Variants in ANKRD52 observed in about 807,000 individuals in gnomAD.
The protein encoded by ANKRD52 is ankyrin repeat domain 52.
Under a neutral mutation model 116.0 loss-of-function variants are expected in ANKRD52, and 7 were observed. The observed-to-expected ratio is 0.06, with a 90% confidence interval of 0.03 to 0.11. ANKRD52 has a LOEUF of 0.11. Ranked by LOEUF, ANKRD52 falls within the 10% of genes least tolerant of loss-of-function variation. The pLI, the probability that ANKRD52 is intolerant of heterozygous loss-of-function variation, is 1.00. For synonymous variants in ANKRD52, 528 were observed against 578.1 expected (o/e 0.91, Z 1.24); for missense variants, 839 against 1,408.6 (o/e 0.60, Z 6.47).
intron 22 of ANKRD52, 52 bp from the exon 23 acceptor site, chr12:56,245,041 C>T: frequency 3.7e-6 from 6 of 1,612,892 alleles, no homozygotes; most frequent in Non-Finnish European, 5.1e-6. Context: ...AAGTAGACTA[C>T]CTGTCCTAAG....
At chr12:56,251,895 G>A (rs1403693208) in intron 15 of ANKRD52, 120 bp downstream of exon 15, 8 of 1,109,462 alleles carry the variant, frequency 7.2e-6, no homozygotes, top group East Asian at 2.5e-5. Flanking sequence ...ACACACTGCT[G>A]GCTGACCGGC....
Position 56,253,434 on chromosome 12 carries a change from C to CA in ANKRD52, c.986-33dup. The CA allele has an allele frequency of 6.4e-7, 1 of 1,568,174 alleles. No individual in the cohort carries two copies. The highest frequency in any genetic ancestry group is 8.8e-7 in the Non-Finnish European group (1 of 1,140,016). On this transcript the variant is annotated intron_variant, in intron 9 of 27. Coordinates refer to ENST00000267116, the MANE Select transcript of ANKRD52 (RefSeq NM_173595.4). This position sits in a 1 kb window ranked among gnomAD's most constrained non-coding sequence, Gnocchi z 5.5. Reference sequence around the variant, plus strand: ...GGGGATGCACACACACAAGCTCAGGCAGACCTCAGGCTTAAGACCACTTTC... The same window carrying CA: ...GGGGATGCACACACACAAGCTCAGGCAAGACCTCAGGCTTAAGACCACTTTC...
rs1489734027 is a variant in ANKRD52 at position 56,245,518 on chromosome 12, G to A, written c.2263C>T (p.Arg755Cys). The part of the protein sequence containing the change: ...AFVLCRDFKG[R>C]TPIHLASACG... Reference sequence around the variant, plus strand: ...GCTGAGGCCAGGTGAATGGGCGTGCGGCCCTTAAAGTCTCGGCACAGCACA... The same window carrying A: ...GCTGAGGCCAGGTGAATGGGCGTGCAGCCCTTAAAGTCTCGGCACAGCACA... Residue 755 changes from arginine to cysteine, a missense_variant, in exon 21 of 28, where the codon CGC becomes TGC. Transcript: ENST00000267116. The A allele has an allele frequency of 1.2e-6, 2 of 1,611,638 alleles. No individual in the cohort carries two copies. Among genetic ancestry groups the A allele is most frequent in the East Asian group, 2.2e-5 (1 of 44,850 alleles).
In ANKRD52 at chr12:56,253,622, GA is replaced by G; in HGVS notation, c.985+99del. On this transcript the variant is annotated intron_variant, in intron 9 of 27. Transcript: ENST00000267116. The surrounding 1 kb of genome is among the most constrained non-coding windows in gnomAD (Gnocchi z 5.5). ...AGAGTTCCAAGGGCCTATCCTACTG[GA>G]AGAGGGCAGGAGAAGGAAGTTAGGA... 7.5e-7 allele frequency: 1 copy of G among 1,328,810 alleles called. No individual in the cohort carries two copies. Among genetic ancestry groups the G allele is most frequent in the Non-Finnish European group, 1.1e-6 (1 of 943,410 alleles). The allele number at this position is 1,328,810 out of a possible 1,614,324, so 82.3% of individuals were successfully genotyped here.
rs543008691 is a variant in ANKRD52, at chr12:56,254,931, T to C, written c.484A>G (p.Lys162Glu). The C allele has an allele frequency of 6.2e-7, 1 of 1,613,280 alleles. No individual in the cohort carries two copies. Among genetic ancestry groups the C allele is most frequent in the Non-Finnish European group, 8.5e-7 (1 of 1,179,282 alleles). Residue 162 changes from lysine (K) to glutamate (E), a missense_variant, in exon 6 of 28, where the codon AAG becomes GAG. Physicochemically the swap from Lys to Glu is moderately conservative, Grantham distance 56. Transcript: ENST00000267116. This position sits in a 1 kb window ranked among gnomAD's most constrained non-coding sequence, Gnocchi z 4.6. ...HLETVNLLLNKGASLNVCDKK... is the reference protein window; with the variant it reads ...HLETVNLLLNEGASLNVCDKK... ...TCACAGACATTCAGGCTGGCTCCCT[T>C]GTTGAGGAGCAGGTTCACCGTCTGC...
chr12:56,243,256 G>A lies in ANKRD52; in HGVS notation c.3117C>T (p.Ser1039=). 6.2e-7 allele frequency: 1 copy of A among 1,613,970 alleles called. No homozygotes were observed. The highest frequency in any genetic ancestry group is 8.5e-7 in the Non-Finnish European group (1 of 1,179,880). ...PFSFSLLKNC[S]IAAAKTVGGC... is the part of the protein sequence containing the mutation. ...CACCCACCGTCTTGGCGGCTGCAAT[G>A]CTGCAGTTCTTGAGCAGGCTGAAGC... The change falls in exon 28 of 28, where the codon AGC becomes AGT. Residue 1039 remains serine (S), a synonymous_variant. Transcript: ENST00000267116. The surrounding 1 kb of genome is among the most constrained non-coding windows in gnomAD (Gnocchi z 4.6).
At position 56,252,352 on chromosome 12, in the gene ANKRD52, A is replaced by T. The variant is rs762297572; in HGVS notation, c.1371-37T>A. On this transcript the variant is annotated intron_variant, in intron 13 of 27. Transcript: ENST00000267116. The surrounding 1 kb of genome is among the most constrained non-coding windows in gnomAD (Gnocchi z 4.7). ...GTGAAGGAGGGTGGGGAAGAGAATC[A>T]GAGACAGATACGAATGCAATCAGAT... is the stretch of plus-strand genomic sequence containing the variant. 5 of 1,611,354 alleles carry T rather than the reference A, an allele frequency of 3.1e-6. No individual in the cohort carries two copies. The South Asian group carries it at 5.5e-5, about 18-fold the overall frequency.
chr12:56,248,321 C>A lies in ANKRD52; in HGVS notation c.1777-97G>T. On this transcript the variant is annotated intron_variant, in intron 17 of 27. Transcript: ENST00000267116. This position sits in a 1 kb window ranked among gnomAD's most constrained non-coding sequence, Gnocchi z 5.1. ...TTGGGGTCCCTGGGAAGCTCAAGGT[C>A]TTAGTCCTTGACAAGCTCCTTGGGC... 6.6e-7 allele frequency: 1 copy of A among 1,506,156 alleles called. No homozygotes were observed. The highest frequency in any genetic ancestry group is 1.4e-5 in the African/African-American group (1 of 72,764). The allele number at this position is 1,506,156 out of a possible 1,614,324, so 93.3% of individuals were successfully genotyped here.
At position 56,237,885 on chromosome 12, in the gene ANKRD52, T is replaced by G. The variant is rs901196688; in HGVS notation, c.*5257A>C. 12 of 999,030 alleles carry G rather than the reference T, an allele frequency of 1.2e-5. No homozygotes were observed. Among genetic ancestry groups the G allele is most frequent in the Non-Finnish European group, 1.7e-5 (12 of 722,282 alleles). The allele number at this position is 999,030 out of a possible 1,614,324, so 61.9% of individuals were successfully genotyped here. A position where few individuals can be genotyped will look rare whatever the true frequency, so the allele number is the denominator to read the frequency against. On this transcript the variant is annotated 3_prime_UTR_variant, in exon 28 of 28. Coordinates refer to ENST00000267116, the MANE Select transcript of ANKRD52 (RefSeq NM_173595.4). ...CAGTTGTACTTGCACCAAAACAGCA[T>G]AGAAAACCAGAGTGTGGTGGGAGGA...
rs533663512 is a variant in ANKRD52 at position 56,251,060 on chromosome 12, C to T, written c.1592+955G>A. 1.1e-4 allele frequency among the ~76,000 whole-genome samples: 16 copies of T among 152,024 alleles called. No individual in the cohort carries two copies. The East Asian group carries it at 2.9e-3, about 28-fold the overall frequency. ...GGTTCAAGTGATTCTCCTGCCTTAG[C>T]CACCCGAGTAGCTGGGATTACAGGT... On this transcript the variant is annotated intron_variant, in intron 15 of 27. Transcript: ENST00000267116.
chr12:56,250,886 G>A (rs532938272), intron 15 of ANKRD52, among the ~76,000 whole-genome samples: 15 of 151,932 alleles, frequency 9.9e-5, no homozygotes, highest in African/African-American at 2.4e-4. Context: ...ATTAGCTTTC[G>A]AAAGACAGAA....
At chr12:56,246,974 A>AC (rs1336619418) in intron 20 of ANKRD52, among the ~76,000 whole-genome samples, 290 of 143,812 alleles carry the variant, frequency 2.0e-3, no homozygotes, top group South Asian at 8.4e-3. Context: ...TAATAATAAT[A>AC]AACAAAGCAC....
At chr12:56,249,319 C>T (rs1415146761) in intron 15 of ANKRD52, among the ~76,000 whole-genome samples, 1 of 152,222 alleles carries the variant, frequency 6.6e-6, no homozygotes, top group Non-Finnish European at 1.5e-5. Context: ...ATGCCTCTTC[C>T]TCTGTGCTCC....
chr12:56,253,615 C>T lies in ANKRD52; in HGVS notation c.985+107G>A, dbSNP rs1871804050. On this transcript the variant is annotated intron_variant, in intron 9 of 27. Coordinates refer to ENST00000267116, the MANE Select transcript of ANKRD52 (RefSeq NM_173595.4). The surrounding 1 kb of genome is among the most constrained non-coding windows in gnomAD (Gnocchi z 5.5). ...CTTGGTCAGAGTTCCAAGGGCCTAT[C>T]CTACTGGAAGAGGGCAGGAGAAGGA... 2 of 1,277,218 alleles carry T rather than the reference C, an allele frequency of 1.6e-6. No individual in the cohort carries two copies. Among genetic ancestry groups the T allele is most frequent in the Non-Finnish European group, 2.2e-6 (2 of 901,458 alleles). The allele number at this position is 1,277,218 out of a possible 1,614,324, so 79.1% of individuals were successfully genotyped here.
In ANKRD52 at chr12:56,243,280, G is replaced by A; in HGVS notation, c.3093C>T (p.Ser1031=). ...TGCTGCAGTTCTTGAGCAGGCTGAA[G>A]CTGAAAGGACTGACGGCGTCCTTGG... The part of the protein sequence containing the change: ...FPPKDAVSPF[S]FSLLKNCSIA... The change falls in exon 28 of 28, where the codon AGC becomes AGT. Residue 1031 remains serine, a synonymous_variant. Transcript: ENST00000267116. The surrounding 1 kb of genome is among the most constrained non-coding windows in gnomAD (Gnocchi z 4.6). 1 of 1,614,052 alleles carries A rather than the reference G, an allele frequency of 6.2e-7. No homozygotes were observed.
chr12:56,258,250 G>A lies in ANKRD52; in HGVS notation c.20C>T (p.Thr7Met). Residue 7 changes from threonine to methionine, a missense_variant, in exon 1 of 28, where the codon ACG becomes ATG. Around this residue, in one of 2 missense-constraint regions of ANKRD52, gnomAD observed 287 missense variants for 598.1 expected, o/e 0.48. Coordinates refer to ENST00000267116, the MANE Select transcript of ANKRD52 (RefSeq NM_173595.4). ...AAGGGCAGGAGGGCTGACCTGGTCC[G>A]TGATGCTGAGGATCCCCATGGCTCG... MGILSI[T>M]DQPPLVQAIF... The A allele has an allele frequency of 6.3e-7, 1 of 1,599,988 alleles. No individual in the cohort carries two copies. The highest frequency in any genetic ancestry group is 1.1e-5 in the South Asian group (1 of 88,668).
At position 56,254,581 on chromosome 12, in the gene ANKRD52, C is replaced by T. The variant is rs368904627; in HGVS notation, c.690G>A (p.Ala230=). 2.6e-5 allele frequency: 42 copies of T among 1,613,720 alleles called. No homozygotes were observed. The highest frequency in any genetic ancestry group is 1.4e-4 in the South Asian group (13 of 91,042). The change falls in exon 7 of 28, where the codon GCG becomes GCA. Residue 230 remains alanine, a synonymous_variant. Transcript: ENST00000267116. The surrounding 1 kb of genome is among the most constrained non-coding windows in gnomAD (Gnocchi z 4.6). ...CCCCAGAGCTCAAAGCCCTGACCTC[C>T]GCTCCCATCCGAAGCAGGTACTTCA... ...EVVKYLLRMG[A]EIDEPNAFGN...
Position 56,254,782 on chromosome 12 carries a change from C to T in ANKRD52, c.551-62G>A. ...GTAAACTCTAAGACCCTACACTCCTCTCTTCAAAGGCTGCAACCCCACATC... is the reference window on the plus strand; with the variant it reads ...GTAAACTCTAAGACCCTACACTCCTTTCTTCAAAGGCTGCAACCCCACATC... On this transcript the variant is annotated intron_variant, in intron 6 of 27. Transcript: ENST00000267116. This position sits in a 1 kb window ranked among gnomAD's most constrained non-coding sequence, Gnocchi z 4.6. 3 of 1,599,094 alleles carry T rather than the reference C, an allele frequency of 1.9e-6. No homozygotes were observed. The highest frequency in any genetic ancestry group is 2.2e-5 in the South Asian group (2 of 90,812).
Position 56,245,584 on chromosome 12 carries a change from A to G in ANKRD52, c.2197T>C (p.Cys733Arg). 6.2e-7 allele frequency: 1 copy of G among 1,606,148 alleles called. No homozygotes were observed. Among genetic ancestry groups the G allele is most frequent in the Non-Finnish European group, 8.5e-7 (1 of 1,177,966 alleles). The change falls in exon 21 of 28, where the codon TGT becomes CGT. Residue 733 changes from cysteine to arginine, a missense_variant. Coordinates refer to ENST00000267116, the MANE Select transcript of ANKRD52 (RefSeq NM_173595.4). ...AGCAGGGCAGCCAGGCAGTCCTCAC[A>G]GCCAGTCACTGCCTGTGAGTAACAT... is the stretch of plus-strand genomic sequence containing the variant. ...TALHRGAVTGCEDCLAALLDH... is the reference protein window; with the variant it reads ...TALHRGAVTGREDCLAALLDH...
Sources: gnomAD v4.1 joint callset for allele counts (sites outside exome capture counted in the v4.1 genomes callset) on GRCh38, gnomAD v4.1.1 for gene constraint, gnomAD v4.1.1 regional missense constraint, Gnocchi (gnomAD v3.1) non-coding constraint, MANE v1.5 for transcripts, NCBI Gene and HGNC (gene_info 2026-07-23, HGNC 2026-07-21) for gene names.